PLEKHG5: variants seen among roughly 807,000 people sequenced by gnomAD.
The protein encoded by PLEKHG5 is pleckstrin homology domain-containing family G member 5.
In PLEKHG5, 52 loss-of-function variants were observed where a neutral mutation model predicts 103.8. The observed-to-expected ratio is 0.50, with a 90% CI of 0.40 to 0.63. PLEKHG5 has a LOEUF of 0.63. Ranked by LOEUF, PLEKHG5 falls within the 30% of genes least tolerant of loss-of-function variation. PLEKHG5 has a pLI of 0.00. For missense variants in PLEKHG5, 1,205 were observed against 1,347.6 expected (o/e 0.89, Z 1.66); for synonymous variants, 592 against 575.5 (o/e 1.03, Z -0.41).
chr1:6,496,663 T>A, upstream of PLEKHG5: 1 of 798,760 alleles, frequency 1.3e-6, no homozygotes, highest in Non-Finnish European at 1.9e-6. Context: ...TGGGGTGATC[T>A]CCTCAGTCCT....
Position 6,467,549 on chromosome 1 carries a change from G to C in PLEKHG5, c.*14C>G, listed in dbSNP as rs369298951. On this transcript the variant is annotated 3_prime_UTR_variant, in exon 21 of 21. Transcript: ENST00000377728. ...GTCTCTTGGTCAATGGCACTCTTGG[G>C]GGCCTCCCTCTGCTCAGACCTCCCT... The C allele has an allele frequency of 4.3e-6, 7 of 1,613,154 alleles. No homozygotes were observed. The African/African-American group carries it at 9.3e-5, about 22-fold the overall frequency.
chr1:6,471,592 GC>G lies in PLEKHG5; in HGVS notation c.1176del (p.Gln392HisfsTer10). 6.3e-7 allele frequency: 1 copy of G among 1,597,822 alleles called. No homozygotes were observed. The highest frequency in any genetic ancestry group is 8.5e-7 in the Non-Finnish European group (1 of 1,173,260). The stretch of plus-strand genomic sequence containing the variant: ...ACGCTAGCCCACAGCCTGCGGTGCA[GC>G]TGCGCGATCTCCGGGATGTTGCTGA... ...RLFSNIPEIA[Q>X]LHRRLWASVM... On this transcript the variant is annotated frameshift_variant, in exon 12 of 21. Transcript: ENST00000377728. LOFTEE classifies it high-confidence loss of function.
upstream of PLEKHG5, chr1:6,496,900 T>G: frequency 7.2e-7 from 1 of 1,393,116 alleles, no homozygotes; most frequent in Non-Finnish European, 9.4e-7. Context: ...TCCCAGGGGG[T>G]CCCGGCAGGG....
At chr1:6,499,334 T>A (rs906466031), upstream of PLEKHG5, among the ~76,000 whole-genome samples, 1 of 152,162 alleles carries the variant, frequency 6.6e-6, no homozygotes, top group African/African-American at 2.4e-5. Flanking sequence ...GGTTCTGGAA[T>A]TCCTTGTCCT....
In PLEKHG5 at chr1:6,475,949, C is replaced by A; in HGVS notation, c.131G>T (p.Ser44Ile). 6.2e-7 allele frequency: 1 copy of A among 1,613,808 alleles called. No homozygotes were observed. Residue 44 changes from serine (S) to isoleucine (I), a missense_variant, in exon 3 of 21, where the codon AGC (serine) becomes ATC (isoleucine). Coordinates refer to ENST00000377728, the MANE Select transcript of PLEKHG5 (RefSeq NM_020631.6). ...AVDLEEEEEE[S>I]SVDGKGDRKS... ...CACCTACCCTTTGCCATCCACAGAG[C>A]TCTCCTCCTCCTCCTCCTCCAAGTC... is the stretch of plus-strand genomic sequence containing the variant.
intron 1 of PLEKHG5, among the ~76,000 whole-genome samples, chr1:6,518,241 C>A (rs1263944638): frequency 6.6e-6 from 1 of 150,622 alleles, no homozygotes; most frequent in Admixed American, 6.6e-5. Flanking sequence ...CGTGTCATGG[C>A]GGATATTAAA....
chr1:6,484,956 G>C (rs1644990539), intron 1 of PLEKHG5, among the ~76,000 whole-genome samples: 2 of 152,192 alleles, frequency 1.3e-5, no homozygotes, highest in Admixed American at 1.3e-4. Context: ...GGCACAAGGA[G>C]AAACAGAGGC....
upstream of PLEKHG5, among the ~76,000 whole-genome samples, chr1:6,494,016 A>G (rs930903021): frequency 1.3e-5 from 2 of 151,786 alleles, no homozygotes; most frequent in African/African-American, 2.4e-5. Flanking sequence ...CAGTGGCACA[A>G]TCACGGCTCA....
In PLEKHG5 at chr1:6,468,191, A is replaced by C; in HGVS notation, c.2645T>G (p.Leu882Arg). Residue 882 changes from leucine (L) to arginine (R), a missense_variant, in exon 20 of 21, where the codon CTC (leucine) becomes CGC (arginine). Transcript: ENST00000377728. ...HLLKSKSEAS[L>R]LQLLAGAGTH... ...GCCAGCCCCTGCCAGCAGCTGGAGGAGGCTGGCCTCGGACTTAGACTTGAG... is the reference window on the plus strand; with the variant it reads ...GCCAGCCCCTGCCAGCAGCTGGAGGCGGCTGGCCTCGGACTTAGACTTGAG... 6.4e-7 allele frequency: 1 copy of C among 1,571,738 alleles called. No homozygotes were observed. Among genetic ancestry groups the C allele is most frequent in the East Asian group, 2.3e-5 (1 of 44,368 alleles).
Position 6,477,554 on chromosome 1 carries a change from A to C in PLEKHG5, c.18T>G (p.His6Gln). 1 of 1,612,574 alleles carries C rather than the reference A, an allele frequency of 6.2e-7. No individual in the cohort carries two copies. The highest frequency in any genetic ancestry group is 8.5e-7 in the Non-Finnish European group (1 of 1,179,980). ...CTTGTGGGGGAAGGTCGAAGCGGAC[A>C]TGCCCATCATAATGCATGGTGCTGT... MHYDG[H>Q]VRFDLPPQGS... Residue 6 changes from histidine to glutamine, a missense_variant, in exon 2 of 21, where the codon CAT (histidine) becomes CAG (glutamine). Physicochemically the swap from His to Gln is conservative, Grantham distance 24. Transcript: ENST00000377728.
intron 2 of PLEKHG5, 94 bp from the exon 3 acceptor site, chr1:6,476,130 A>G: frequency 9.6e-7 from 1 of 1,039,236 alleles, no homozygotes; most frequent in Non-Finnish European, 1.5e-6. Flanking sequence ...GTTACCCTGG[A>G]ACCCCCAGAT....
At chr1:6,489,616 C>G (rs1380996077) in intron 1 of PLEKHG5, among the ~76,000 whole-genome samples, 2 of 152,218 alleles carry the variant, frequency 1.3e-5, no homozygotes, top group Non-Finnish European at 2.9e-5. Flanking sequence ...GTCTTCGGAG[C>G]ACCTGGACTA....
chr1:6,497,172 T>G, upstream of PLEKHG5: 2 of 896,318 alleles, frequency 2.2e-6, no homozygotes, highest in Non-Finnish European at 3.5e-6. The surrounding 1 kb of genome is among the most constrained non-coding windows in gnomAD (Gnocchi z 6.1). Flanking sequence ...AGGCCCCGAC[T>G]TGGGGGCCGA....
chr1:6,473,376 A>T lies in PLEKHG5; in HGVS notation c.670T>A (p.Ser224Thr). The part of the protein sequence containing the change: ...SIPGQEPPTP[S>T]SCSLPSGSSG... ...CTGCCGCTGGGCAGAGAGCAGCTGG[A>T]GGGCGTGGGGGGCTCCTGCCCGGGG... The change falls in exon 8 of 21, where the codon TCC (serine) becomes ACC (threonine). Residue 224 changes from serine (S) to threonine (T), a missense_variant. Ser to Thr is a moderately conservative substitution (Grantham distance 58). Coordinates refer to ENST00000377728, the MANE Select transcript of PLEKHG5 (RefSeq NM_020631.6). The T allele has an allele frequency of 6.5e-7, 1 of 1,549,102 alleles. No individual in the cohort carries two copies. Among genetic ancestry groups the T allele is most frequent in the South Asian group, 1.2e-5 (1 of 84,074 alleles).
At chr1:6,497,482 G>A (rs980914731), upstream of PLEKHG5, 5 of 193,910 alleles carry the variant, frequency 2.6e-5, no homozygotes, top group Non-Finnish European at 4.7e-5. The surrounding 1 kb of genome is among the most constrained non-coding windows in gnomAD (Gnocchi z 6.1). Flanking sequence ...CCTCGGGGGC[G>A]GGGGGCGGGG....
At position 6,469,217 on chromosome 1, in the gene PLEKHG5, G is replaced by A. The variant is rs1218458918; in HGVS notation, c.2074C>T (p.Gln692Ter). 2 of 1,613,714 alleles carry A rather than the reference G, an allele frequency of 1.2e-6. No homozygotes were observed. Among genetic ancestry groups the A allele is most frequent in the Non-Finnish European group, 1.7e-6 (2 of 1,179,992 alleles). ...AQNQLQQLRA[Q>*]EPPGSQQPLQ... ...GGCTGCTGACTGCCTGGGGGCTCCT[G>A]TGCACGCAGCTGTTGCAGCTGGTTC... The change falls in exon 19 of 21, where the codon CAG (glutamine) becomes TAG (stop). Residue 692 changes from glutamine to a stop codon, truncating the protein, a stop_gained. Transcript: ENST00000377728. LOFTEE classifies it high-confidence loss of function.
chr1:6,496,794 G>A (rs1645231962), upstream of PLEKHG5: 1 of 551,536 alleles, frequency 1.8e-6, no homozygotes, highest in Admixed American at 3.7e-5. Context: ...TCCACGGGGA[G>A]AAAACATCTT....
intron 1 of PLEKHG5, among the ~76,000 whole-genome samples, chr1:6,514,152 G>A (rs1326099627): frequency 6.6e-6 from 1 of 152,112 alleles, no homozygotes; most frequent in African/African-American, 2.4e-5. Flanking sequence ...CTGAGACCTT[G>A]TCTCTACAAA....
intron 1 of PLEKHG5, among the ~76,000 whole-genome samples, chr1:6,509,535 C>A (rs1638418227): frequency 6.6e-6 from 1 of 152,254 alleles, no homozygotes; most frequent in Non-Finnish European, 1.5e-5. Flanking sequence ...ACCCCCACGC[C>A]AGGAAGCCAC....
Sources: allele counts gnomAD v4.1 joint callset (sites outside exome capture counted in the v4.1 genomes callset), GRCh38; gene constraint gnomAD v4.1.1; non-coding constraint Gnocchi (gnomAD v3.1); transcripts MANE v1.5; gene names NCBI Gene and HGNC (gene_info 2026-07-23, HGNC 2026-07-21).